The following ZBED6 variants were observed in gnomAD, a reference collection of about 807,000 sequenced individuals.
ZBED6 encodes the protein zinc finger BED domain-containing protein 6.
In ZBED6, 40 loss-of-function variants were observed where a neutral mutation model predicts 58.4. The ratio of observed to expected loss-of-function variants is 0.68; its 90% CI spans 0.53 to 0.89. ZBED6 has a LOEUF of 0.89. ZBED6 is among the 40% of genes least tolerant of loss of function. The pLI is 0.00. For missense variants in ZBED6, 1,057 were observed against 1,003.9 expected (o/e 1.05, Z -0.71); for synonymous variants, 439 against 350.6 (o/e 1.25, Z -2.82).
intron 1 of ZBED6, among the ~76,000 whole-genome samples, chr1:203,803,786 T>C (rs1379669288): frequency 6.6e-6 from 1 of 152,080 alleles, no homozygotes; most frequent in Non-Finnish European, 1.5e-5. Context: ...TTAAAACCTT[T>C]TGTAGAGATG....
At chr1:203,828,481 A>T (rs1282523675) in intron 4 of ZBED6, 59 bp downstream of exon 4, 1 of 1,541,814 alleles carries the variant, frequency 6.5e-7, no homozygotes, top group East Asian at 2.4e-5. Flanking sequence ...TGCACACTGT[A>T]CAACAGTACT....
exon 17 of ZBED6, chr1:203,852,419 TTAAA>T (rs1305810427): frequency 6.9e-6 from 11 of 1,605,506 alleles, no homozygotes; most frequent in African/African-American, 1.4e-5. Flanking sequence ...TGAGGACACT[TTAAA>T]AAAAAAATCG....
In ZBED6 at chr1:203,798,752, A is replaced by G; in HGVS notation, c.1230A>G (p.Ile410Met). 3 of 1,536,162 alleles carry G rather than the reference A, an allele frequency of 2.0e-6. No individual in the cohort carries two copies. The highest frequency in any genetic ancestry group is 2.6e-6 in the Non-Finnish European group (3 of 1,146,916). Reference sequence around the variant, plus strand: ...GTGGAAATCCAGTCTCAAGTCACATAAGTCAGGCAATTATCCAAATGATTG... The same window carrying G: ...GTGGAAATCCAGTCTCAAGTCACATGAGTCAGGCAATTATCCAAATGATTG... The change falls in exon 1 of 17, where the codon ATA (isoleucine) becomes ATG (methionine). Residue 410 changes from isoleucine (I) to methionine (M), a missense_variant. Ile to Met is a conservative substitution (Grantham distance 10). Coordinates refer to ENST00000550078, the Ensembl canonical transcript of ZBED6.
chr1:203,848,642 C>T (rs1688525932), intron 13 of ZBED6, among the ~76,000 whole-genome samples: 1 of 152,176 alleles, frequency 6.6e-6, no homozygotes, highest in African/African-American at 2.4e-5. Context: ...AATCCCAGCA[C>T]TTTGGGAGGC....
chr1:203,825,203 T>C (rs1472462253), intron 3 of ZBED6, among the ~76,000 whole-genome samples: 3 of 152,046 alleles, frequency 2.0e-5, no homozygotes, highest in Admixed American at 2.0e-4. Flanking sequence ...AACAAAGTTA[T>C]GTATTGATTA....
chr1:203,843,862 C>A (rs887850529), intron 11 of ZBED6, among the ~76,000 whole-genome samples: 23 of 151,362 alleles, frequency 1.5e-4, no homozygotes, highest in African/African-American at 5.6e-4. Flanking sequence ...CCTGGGATTT[C>A]TTCTTTTTTT....
At position 203,821,942 on chromosome 1, in the gene ZBED6, A is replaced by G. The variant is rs559414102; in HGVS notation, c.*2873+3253A>G. Among the ~76,000 whole-genome samples, 7 of 152,190 alleles carry G rather than the reference A, an allele frequency of 4.6e-5. No homozygotes were observed. The East Asian group carries it at 1.4e-3, about 29-fold the overall frequency. ...CCGGCTAATTTTTTGTACTTTTAGT[A>G]GAGATGGGGTTTCACCGTGTTAGCC... is the stretch of plus-strand genomic sequence containing the variant. On this transcript the variant is annotated intron_variant, in intron 3 of 16. Transcript: ENST00000550078.
chr1:203,851,762 A>G (rs1323385353), intron 16 of ZBED6, among the ~76,000 whole-genome samples: 1 of 152,072 alleles, frequency 6.6e-6, no homozygotes, highest in Non-Finnish European at 1.5e-5. Context: ...CAGGAGTTCA[A>G]GACCAGCCTG....
intron 2 of ZBED6, 100 bp downstream of exon 2, chr1:203,817,224 T>C (rs1676649753): frequency 1.0e-6 from 1 of 966,638 alleles, no homozygotes; most frequent in African/African-American, 1.7e-5. Context: ...TATATATATA[T>C]TTTTTGCCCA....
At chr1:203,800,149 C>T in exon 1 of ZBED6, 17 of 1,535,218 alleles carry the variant, frequency 1.1e-5, no homozygotes, top group Non-Finnish European at 1.5e-5. Flanking sequence ...GAGAAGTATT[C>T]AGAGTTCTCA....
intron 1 of ZBED6, chr1:203,806,328 G>T: frequency 4.4e-6 from 1 of 226,256 alleles, no homozygotes; most frequent in Non-Finnish European, 8.8e-6. Context: ...TTGAGACGGA[G>T]TCTCGCTCTG....
chr1:203,830,261 AC>A, intron 7 of ZBED6, 58 bp downstream of exon 7: 1 of 1,374,930 alleles, frequency 7.3e-7, no homozygotes, highest in Non-Finnish European at 1.0e-6. Flanking sequence ...AATACTAAGG[AC>A]GCTTCTAGAA....
rs1328842028 is a variant in ZBED6 at position 203,797,256 on chromosome 1, CATG to C, written c.-265_-263del. 13 of 254,390 alleles carry C rather than the reference CATG, an allele frequency of 5.1e-5. No homozygotes were observed. The highest frequency in any genetic ancestry group is 4.3e-4 in the South Asian group (5 of 11,614). 15.8% of individuals were successfully genotyped at this position (254,390 alleles called of 1,614,324 possible). Reference sequence around the variant, plus strand: ...GGGGACTCAGTTCTTACTTCTGTAACATGAGGACACTGGACTATTTGAATTCAG... The same window carrying C: ...GGGGACTCAGTTCTTACTTCTGTAACAGGACACTGGACTATTTGAATTCAG... On this transcript the variant is annotated 5_prime_UTR_variant, in exon 1 of 17. It removes an upstream start codon present in the reference 5' UTR. Transcript: ENST00000550078.
intron 9 of ZBED6, 50 bp from the exon 10 acceptor site, chr1:203,837,916 C>G: frequency 1.3e-6 from 2 of 1,553,152 alleles, no homozygotes; most frequent in South Asian, 1.1e-5. Context: ...ATTTCTTGTC[C>G]TTGCTGAAGA....
chr1:203,842,386 C>T (rs2103292776), intron 11 of ZBED6, among the ~76,000 whole-genome samples: 1 of 152,326 alleles, frequency 6.6e-6, no homozygotes, highest in East Asian at 1.9e-4. Context: ...CACTCGCGGT[C>T]AGGAGCTGGA....
In ZBED6 at chr1:203,818,694, GT is replaced by G; in HGVS notation, c.*2873+11del. The G allele has an allele frequency of 6.2e-7, 1 of 1,614,042 alleles. No individual in the cohort carries two copies. Among genetic ancestry groups the G allele is most frequent in the Non-Finnish European group, 8.5e-7 (1 of 1,179,990 alleles). On this transcript the variant is annotated splice_donor_region_variant and intron_variant, in intron 3 of 16. Coordinates refer to ENST00000550078, the Ensembl canonical transcript of ZBED6. ...TTTCGGCACATGGAGATTGATGTAA[GT>G]TTTTTATTTCCGTTATCATAATAAG...
exon 17 of ZBED6, chr1:203,852,918 C>G (rs1196588220): frequency 2.4e-5 from 4 of 164,478 alleles, no homozygotes; most frequent in Non-Finnish European, 5.3e-5. Context: ...AAAGATTCAA[C>G]TAAGCTTTAA....
chr1:203,798,083 C>T, exon 1 of ZBED6: 2 of 1,536,082 alleles, frequency 1.3e-6, no homozygotes, highest in Non-Finnish European at 1.7e-6. Context: ...GGACCAGGGC[C>T]AACAAGTTTG....
intron 11 of ZBED6, among the ~76,000 whole-genome samples, chr1:203,843,218 C>T (rs1686961549): frequency 6.6e-6 from 1 of 152,062 alleles, no homozygotes; most frequent in Non-Finnish European, 1.5e-5. Flanking sequence ...GTTCATTCTG[C>T]TAAATCAGTA....
Sources: gnomAD v4.1 joint callset for allele counts (sites outside exome capture counted in the v4.1 genomes callset) on GRCh38, gnomAD v4.1.1 for gene constraint, MANE v1.5 for transcripts, NCBI Gene and HGNC (gene_info 2026-07-23, HGNC 2026-07-21) for gene names.